Variants in SORBS2 observed in about 807,000 individuals in gnomAD.
SORBS2 encodes the protein sorbin and SH3 domain-containing protein 2.
A neutral mutation model predicts 97.7 loss-of-function variants in SORBS2; 46 were observed. That is an observed-to-expected ratio of 0.47 (90% confidence interval 0.37 to 0.60). The LOEUF (loss-of-function observed/expected upper bound fraction) is 0.60, where lower values mean the gene tolerates loss of function less well. Among genes scored for constraint, SORBS2 ranks in the 20% least tolerant of loss-of-function variants. SORBS2 has a pLI of 0.00. For synonymous variants in SORBS2, 476 were observed against 473.4 expected (o/e 1.01, Z -0.07); for missense variants, 1,316 against 1,282.3 (o/e 1.03, Z -0.40).
upstream of SORBS2, among the ~76,000 whole-genome samples, chr4:185,660,549 C>T (rs771451176): frequency 5.3e-5 from 8 of 152,200 alleles, no homozygotes; most frequent in East Asian, 1.9e-4. Flanking sequence ...ATAAGTCCCG[C>T]GGCTACCTTT....
At chr4:185,930,541 G>A (rs932456219) in intron 1 of SORBS2, among the ~76,000 whole-genome samples, 7 of 152,120 alleles carry the variant, frequency 4.6e-5, no homozygotes, top group South Asian at 4.2e-4. Flanking sequence ...CTCGTGATCC[G>A]CCTGCCTCGG....
chr4:185,636,291 C>T lies in SORBS2; in HGVS notation c.397-5693G>A, dbSNP rs537557386. On this transcript the variant is annotated intron_variant, in intron 4 of 14. Transcript: ENST00000418609. ...GAAAAAATGAGAGAAAACATTCCTC[C>T]TATGAGATAATAACCCTAAGAAAAA... Among the ~76,000 whole-genome samples, 10 of 152,292 alleles carry T rather than the reference C, an allele frequency of 6.6e-5. No individual in the cohort carries two copies. In the South Asian group the frequency reaches 2.1e-3, roughly 32 times the overall value.
chr4:185,777,464 T>C (rs1237568250), intron 1 of SORBS2, among the ~76,000 whole-genome samples: 1 of 152,182 alleles, frequency 6.6e-6, no homozygotes, highest in Non-Finnish European at 1.5e-5. Context: ...AAAAAGGGTA[T>C]AATGCATTTA....
chr4:185,741,568 C>A (rs1342796912), intron 2 of SORBS2, among the ~76,000 whole-genome samples: 1 of 151,772 alleles, frequency 6.6e-6, no homozygotes, highest in Admixed American at 6.6e-5. Context: ...GGAGTTTCAC[C>A]ATGTTGACCA....
chr4:185,767,490 ACT>A (rs1236843009), intron 2 of SORBS2, among the ~76,000 whole-genome samples: 5 of 95,724 alleles, frequency 5.2e-5, no homozygotes, highest in Non-Finnish European at 8.0e-5. Flanking sequence ...ACAGAGTGAG[ACT>A]CTGTCTCAAA....
chr4:185,620,205 A>G (rs1235082267), intron 7 of SORBS2, 54 bp from the exon 20 acceptor site: 15 of 1,212,126 alleles, frequency 1.2e-5, no homozygotes, highest in Non-Finnish European at 1.7e-5. Flanking sequence ...TTACAAGCCA[A>G]CCTGTTCCGC....
intron 2 of SORBS2, among the ~76,000 whole-genome samples, chr4:185,713,198 G>C (rs1431970572): frequency 6.6e-6 from 1 of 152,032 alleles, no homozygotes; most frequent in Non-Finnish European, 1.5e-5. Context: ...AATGAGGCTG[G>C]CTACCTCGTT....
At chr4:185,800,338 T>TA (rs1481367260) in intron 1 of SORBS2, among the ~76,000 whole-genome samples, 1 of 152,220 alleles carries the variant, frequency 6.6e-6, no homozygotes, top group African/African-American at 2.4e-5. Context: ...GTAATAATTT[T>TA]AAATGAGTCT....
At chr4:185,666,290 G>T in intron 4 of SORBS2, 1 of 683,990 alleles carries the variant, frequency 1.5e-6, no homozygotes, top group Non-Finnish European at 2.2e-6. Context: ...AGAAGGCAAA[G>T]CATCGGTTTT....
At chr4:185,743,661 T>C (rs993018823) in intron 2 of SORBS2, among the ~76,000 whole-genome samples, 17 of 152,130 alleles carry the variant, frequency 1.1e-4, no homozygotes, top group African/African-American at 3.9e-4. Context: ...AGGGTTCAGG[T>C]AGCAAATGAG....
Position 185,809,455 on chromosome 4 carries a change from CAAAAAAAAAAA to C in SORBS2, c.-337-34100_-337-34090del, listed in dbSNP as rs55713465. Among the ~76,000 whole-genome samples, 22 of 47,290 alleles carry C rather than the reference CAAAAAAAAAAA, an allele frequency of 4.7e-4. No individual in the cohort carries two copies. The East Asian group carries it at 0.015, about 32-fold the overall frequency. The allele number at this position is 47,290 out of a possible 152,430, so 31.0% of individuals were successfully genotyped here. A position where few individuals can be genotyped will look rare whatever the true frequency, so the allele number is the denominator to read the frequency against. Reference sequence around the variant, plus strand: ...GACTCTTCAGGGGGCACTGCATTTGCAAAAAAAAAAAAAAAAAAAAAAAAAAATCTGATATA... The same window carrying C: ...GACTCTTCAGGGGGCACTGCATTTGCAAAAAAAAAAAAAAAATCTGATATA... On this transcript the variant is annotated intron_variant, in intron 1 of 20. Transcript: ENST00000284776.
At chr4:185,779,118 A>T (rs1045573781) in intron 1 of SORBS2, among the ~76,000 whole-genome samples, 1 of 152,210 alleles carries the variant, frequency 6.6e-6, no homozygotes, top group African/African-American at 2.4e-5. Flanking sequence ...ATATGCAAAG[A>T]CCATCTGCAG....
chr4:185,602,597 CA>C (rs2096288686), intron 12 of SORBS2, among the ~76,000 whole-genome samples: 1 of 152,184 alleles, frequency 6.6e-6, no homozygotes, highest in African/African-American at 2.4e-5. Flanking sequence ...AATGTTATTA[CA>C]ATGATTTCAT....
At chr4:185,691,125 C>T (rs1442989931) in intron 2 of SORBS2, among the ~76,000 whole-genome samples, 2 of 152,180 alleles carry the variant, frequency 1.3e-5, no homozygotes, top group African/African-American at 4.8e-5. Context: ...TACTCTTGAA[C>T]TCCTGACGTC....
chr4:185,614,995 G>T (rs370979322), intron 10 of SORBS2, 36 bp from the exon 23 acceptor site: 51 of 1,613,888 alleles, frequency 3.2e-5, no homozygotes, highest in Non-Finnish European at 4.2e-5. Context: ...TCAAATCTGC[G>T]GTGACCTTTG....
intron 2 of SORBS2, among the ~76,000 whole-genome samples, chr4:185,718,881 G>A (rs2098487312): frequency 6.6e-6 from 1 of 152,162 alleles, no homozygotes; most frequent in Non-Finnish European, 1.5e-5. Context: ...ACCTTCATAA[G>A]AGCAGTTGTG....
intron 1 of SORBS2, among the ~76,000 whole-genome samples, chr4:185,849,174 A>T (rs570872376): frequency 2.2e-4 from 34 of 152,208 alleles, no homozygotes; most frequent in African/African-American, 8.2e-4. Context: ...AGACTGAAAG[A>T]GTAGCTTTTT....
At chr4:185,823,238 T>C (rs1278681646) in intron 1 of SORBS2, among the ~76,000 whole-genome samples, 3 of 152,218 alleles carry the variant, frequency 2.0e-5, no homozygotes, top group Non-Finnish European at 4.4e-5. Flanking sequence ...AAGGCATGTC[T>C]CTCAGGCATG....
intron 2 of SORBS2, among the ~76,000 whole-genome samples, chr4:185,726,859 G>C (rs935636812): frequency 6.6e-6 from 1 of 152,272 alleles, no homozygotes; most frequent in East Asian, 1.9e-4. Flanking sequence ...AGATGCATCC[G>C]GGAGGAGGGT....
Sources: allele counts gnomAD v4.1 joint callset (sites outside exome capture counted in the v4.1 genomes callset), GRCh38; gene constraint gnomAD v4.1.1; transcripts MANE v1.5; gene names NCBI Gene and HGNC (gene_info 2026-07-23, HGNC 2026-07-21).